Variants in PLEKHA4 observed in about 807,000 individuals in gnomAD.
The protein encoded by PLEKHA4 is pleckstrin homology domain-containing family A member 4.
In PLEKHA4, 73 loss-of-function variants were observed where a neutral mutation model predicts 94.7. That is an observed-to-expected ratio of 0.77 (90% CI 0.64 to 0.94). The LOEUF (loss-of-function observed/expected upper bound fraction) is 0.94, where lower values mean the gene tolerates loss of function less well. Ranked by LOEUF, PLEKHA4 falls within the 40% of genes least tolerant of loss-of-function variation. The pLI is 0.00. For missense variants in PLEKHA4, 1,049 were observed against 1,054.1 expected (o/e 1.00, Z 0.07); for synonymous variants, 449 against 437.1 (o/e 1.03, Z -0.34).
In PLEKHA4 at chr19:48,854,069, A is replaced by G; in HGVS notation, c.1114T>C (p.Cys372Arg). 1 of 1,614,104 alleles carries G rather than the reference A, an allele frequency of 6.2e-7. No homozygotes were observed. Among genetic ancestry groups the G allele is most frequent in the Non-Finnish European group, 8.5e-7 (1 of 1,179,998 alleles). Residue 372 changes from cysteine to arginine, a missense_variant, in exon 11 of 20, where the codon TGC becomes CGC. Transcript: ENST00000263265. Reference sequence around the variant, plus strand: ...CTCCGCAGAAGCCGGTCCTGCCCGCACAACTTGGTCAGCAGCGTCTGGAGA... The same window carrying G: ...CTCCGCAGAAGCCGGTCCTGCCCGCGCAACTTGGTCAGCAGCGTCTGGAGA... The part of the protein sequence containing the change: ...LETDTLLTKL[C>R]GQDRLLRRLQ...
At chr19:48,856,254 G>GAGGGGA (rs202098471) in intron 9 of PLEKHA4, among the ~76,000 whole-genome samples, 59 of 150,954 alleles carry the variant, frequency 3.9e-4, no homozygotes, top group East Asian at 2.2e-3. Context: ...ACGAGGAGGG[G>GAGGGGA]AGGGGAAGGG....
chr19:48,858,985 C>A lies in PLEKHA4; in HGVS notation c.847G>T (p.Asp283Tyr). The A allele has an allele frequency of 6.3e-7, 1 of 1,584,590 alleles. No homozygotes were observed. Among genetic ancestry groups the A allele is most frequent in the Non-Finnish European group, 8.5e-7 (1 of 1,170,270 alleles). The part of the protein sequence containing the change: ...LSRIDVRPPL[D>Y]WGPQRQTLSR... ...AGGGTCTGGCGTTGGGGGCCCCAAT[C>A]CAGAGGAGGTCGGACATCAATGCGA... is the stretch of plus-strand genomic sequence containing the variant. Residue 283 changes from aspartate (D) to tyrosine (Y), a missense_variant, in exon 8 of 20, where the codon GAT becomes TAT. Transcript: ENST00000263265.
intron 9 of PLEKHA4, among the ~76,000 whole-genome samples, chr19:48,856,502 G>A (rs1182673864): frequency 6.6e-6 from 1 of 151,912 alleles, no homozygotes. Flanking sequence ...GGAGGATCAC[G>A]AGGTTAGGAG....
In PLEKHA4 at chr19:48,837,454, C is replaced by CG; in HGVS notation, c.2174dup (p.Val726GlyfsTer3). The CG allele has an allele frequency of 6.2e-7, 1 of 1,613,252 alleles. No individual in the cohort carries two copies. The highest frequency in any genetic ancestry group is 8.5e-7 in the Non-Finnish European group (1 of 1,179,690). On this transcript the variant is annotated frameshift_variant, in exon 20 of 20. Coordinates refer to ENST00000263265, the MANE Select transcript of PLEKHA4 (RefSeq NM_020904.3). LOFTEE classifies it low-confidence loss of function (END_TRUNC). This position sits in a 1 kb window ranked among gnomAD's most constrained non-coding sequence, Gnocchi z 4.3. ...ACCCCGTGGAACCCGAATTAGCCAC[C>CG]GGGGGAGATCTGGGGGGAGGGGTCT...
chr19:48,854,577 C>A (rs1156665553), intron 9 of PLEKHA4, among the ~76,000 whole-genome samples: 1 of 150,894 alleles, frequency 6.6e-6, no homozygotes, highest in African/African-American at 2.4e-5. Flanking sequence ...GTTTTGGTAG[C>A]GATGGGGTTT....
In PLEKHA4 at chr19:48,859,542, G is replaced by T. The variant is rs746650431; in HGVS notation, c.619C>A (p.Pro207Thr). The part of the protein sequence containing the change: ...VTRLSRGRGR[P>T]RLLTPSPTTD... ...GTGGGGCTGGGAGTGAGCAGCCTGGGTCTACCACGACCTCTGGAGAGTCGA... is the reference window on the plus strand; with the variant it reads ...GTGGGGCTGGGAGTGAGCAGCCTGGTTCTACCACGACCTCTGGAGAGTCGA... The change falls in exon 7 of 20, where the codon CCC becomes ACC. Residue 207 changes from proline (P) to threonine (T), a missense_variant. Coordinates refer to ENST00000263265, the MANE Select transcript of PLEKHA4 (RefSeq NM_020904.3). The T allele has an allele frequency of 1.2e-6, 2 of 1,613,910 alleles. No individual in the cohort carries two copies. Among genetic ancestry groups the T allele is most frequent in the Non-Finnish European group, 1.7e-6 (2 of 1,180,020 alleles).
At chr19:48,841,445 G>T in intron 16 of PLEKHA4, 135 bp from the exon 17 acceptor site, 1 of 920,124 alleles carries the variant, frequency 1.1e-6, no homozygotes, top group South Asian at 1.9e-5. Context: ...TGGCCAACTT[G>T]GCGAAATACC....
rs1374258885 is a variant in PLEKHA4 at position 48,841,141 on chromosome 19, C to A, written c.1905+8G>T. 1 of 1,604,860 alleles carries A rather than the reference C, an allele frequency of 6.2e-7. No homozygotes were observed. Among genetic ancestry groups the A allele is most frequent in the African/African-American group, 1.3e-5 (1 of 74,908 alleles). ...CCCACCGCCCAGCCCCAGCCCTCCT[C>A]CCCTCACCCTTTGCTCCACGTCAGG... On this transcript the variant is annotated splice_region_variant and intron_variant, in intron 17 of 19. Transcript: ENST00000263265.
intron 13 of PLEKHA4, among the ~76,000 whole-genome samples, chr19:48,851,484 C>T (rs1464807964): frequency 6.6e-6 from 1 of 151,016 alleles, no homozygotes. Flanking sequence ...GGCGTGGTGG[C>T]GGGCACCTGT....
At chr19:48,848,166 C>T in intron 13 of PLEKHA4, 126 bp from the exon 14 acceptor site, 1 of 1,111,156 alleles carries the variant, frequency 9.0e-7, no homozygotes, top group Non-Finnish European at 1.3e-6. Flanking sequence ...TATTTTTTTT[C>T]CCATGTGGTT....
intron 14 of PLEKHA4, among the ~76,000 whole-genome samples, chr19:48,847,039 G>A (rs1402591595): frequency 6.6e-6 from 1 of 152,114 alleles, no homozygotes; most frequent in East Asian, 1.9e-4. Flanking sequence ...GCACCACTGT[G>A]CCTGGCTCAT....
intron 3 of PLEKHA4, among the ~76,000 whole-genome samples, chr19:48,863,432 G>GTTTTTTTT (rs113645066): frequency 2.9e-5 from 3 of 104,722 alleles, no homozygotes; most frequent in Non-Finnish European, 4.1e-5. Context: ...TAGGTTTTTT[G>GTTTTTTTT]TTTTTTTTTT....
Position 48,860,377 on chromosome 19 carries a change from C to A in PLEKHA4, c.449G>T (p.Arg150Leu), listed in dbSNP as rs778648885. Residue 150 changes from arginine to leucine, a missense_variant, in exon 6 of 20, where the codon CGG becomes CTG. Physicochemically the swap from Arg to Leu is moderately radical, Grantham distance 102. Coordinates refer to ENST00000263265, the MANE Select transcript of PLEKHA4 (RefSeq NM_020904.3). ...DLRGWLRALGRASRAEGDDYG... is the reference protein window; with the variant it reads ...DLRGWLRALGLASRAEGDDYG... ...GTCGTCCCCCTCCGCACGGGAGGCCCGGCCCAGCGCCCGTAGCCAGCCCCG... is the reference window on the plus strand; with the variant it reads ...GTCGTCCCCCTCCGCACGGGAGGCCAGGCCCAGCGCCCGTAGCCAGCCCCG... 6.8e-6 allele frequency: 11 copies of A among 1,613,860 alleles called. No individual in the cohort carries two copies. In the Admixed American group the frequency reaches 1.5e-4, roughly 22 times the overall value.
chr19:48,845,202 C>T, intron 16 of PLEKHA4, 168 bp downstream of exon 16: 2 of 659,108 alleles, frequency 3.0e-6, no homozygotes, highest in South Asian at 2.0e-5. Context: ...CCCAAAGTCA[C>T]ACAGCTTAGA....
chr19:48,841,594 T>G (rs1046527801), intron 16 of PLEKHA4, among the ~76,000 whole-genome samples: 2 of 151,658 alleles, frequency 1.3e-5, no homozygotes, highest in South Asian at 4.2e-4. Context: ...GCCACTGCAC[T>G]CCAGCTGCAC....
chr19:48,845,686 A>T (rs2035943930), intron 14 of PLEKHA4, 70 bp from the exon 15 acceptor site: 1 of 1,247,682 alleles, frequency 8.0e-7, no homozygotes, highest in Non-Finnish European at 1.1e-6. Context: ...TGTTGCAAGC[A>T]TTTAGGCATT....
chr19:48,858,716 GCT>G, intron 8 of PLEKHA4, 142 bp downstream of exon 8: 5 of 903,856 alleles, frequency 5.5e-6, no homozygotes, highest in Non-Finnish European at 8.6e-6. Flanking sequence ...ATAGGTTCAA[GCT>G]CTCTCTCACC....
At chr19:48,848,724 G>A (rs1306061666) in intron 13 of PLEKHA4, among the ~76,000 whole-genome samples, 1 of 151,188 alleles carries the variant, frequency 6.6e-6, no homozygotes, top group Non-Finnish European at 1.5e-5. Context: ...TTGAACCCAG[G>A]AGGTGGAGGT....
chr19:48,859,633 G>T lies in PLEKHA4; in HGVS notation c.528C>A (p.Gly176=). Residue 176 remains glycine (G), a synonymous_variant, in exon 7 of 20, where the codon GGC becomes GGA. Coordinates refer to ENST00000263265, the MANE Select transcript of PLEKHA4 (RefSeq NM_020904.3). ...ARPQPGEGPG[G]PGGPPEVSRG... is the part of the protein sequence containing the mutation. ...TGCTCACCTCCGGGGGACCACCGGG[G>T]CCGCCGGGGCCCTCCCCGGGCTGGG... 6.2e-7 allele frequency: 1 copy of T among 1,612,610 alleles called. No homozygotes were observed.
Sources: gnomAD v4.1 joint callset for allele counts (sites outside exome capture counted in the v4.1 genomes callset) on GRCh38, gnomAD v4.1.1 for gene constraint, Gnocchi (gnomAD v3.1) non-coding constraint, MANE v1.5 for transcripts, NCBI Gene and HGNC (gene_info 2026-07-23, HGNC 2026-07-21) for gene names.